ZNF43: variants seen among roughly 807,000 people sequenced by gnomAD.
ZNF43 encodes the protein zinc finger protein 43.
In ZNF43, 44 loss-of-function variants were observed where a neutral mutation model predicts 68.4. That is an observed-to-expected ratio of 0.64 (90% CI 0.51 to 0.83). The LOEUF (loss-of-function observed/expected upper bound fraction) is 0.83, where lower values mean the gene tolerates loss of function less well. Ranked by LOEUF, ZNF43 falls within the 40% of genes least tolerant of loss-of-function variation. The pLI is 0.00. For missense variants in ZNF43, 896 were observed against 933.2 expected, an observed-to-expected ratio of 0.96 and a Z score of 0.52; for synonymous variants, 308 against 307.8, an observed-to-expected ratio of 1.00 and a Z score of -0.01.
rs765891757 is a variant in ZNF43 at position 21,836,043 on chromosome 19, A to G, written c.-5T>C. ...TCGGACCGGCACTCTCACCATTTCT[A>G]GGCTTCCGGGGGGTCCTGGCGTCTT... On this transcript the variant is annotated 5_prime_UTR_variant, in exon 1 of 4. Coordinates refer to ENST00000354959, the MANE Select transcript of ZNF43 (RefSeq NM_003423.4). 1.1e-5 allele frequency: 17 copies of G among 1,613,804 alleles called. No individual in the cohort carries two copies. Among genetic ancestry groups the G allele is most frequent in the Admixed American group, 1.7e-5 (1 of 60,000 alleles).
chr19:21,833,653 A>C (rs909527047), intron 1 of ZNF43, among the ~76,000 whole-genome samples: 9 of 152,100 alleles, frequency 5.9e-5, no homozygotes, highest in African/African-American at 1.9e-4. Flanking sequence ...GAAAAAAAAA[A>C]CAAAAACAAC....
chr19:21,836,466 T>A (rs2038746528), upstream of ZNF43, among the ~76,000 whole-genome samples: 1 of 152,252 alleles, frequency 6.6e-6, no homozygotes, highest in Admixed American at 6.5e-5. Flanking sequence ...AGTAATATAC[T>A]ATATGGATAC....
Position 21,819,117 on chromosome 19 carries a change from G to T in ZNF43, c.108C>A (p.Asn36Lys). The change falls in exon 2 of 4, where the codon AAC becomes AAA. Residue 36 changes from asparagine to lysine, a missense_variant. By Grantham distance (94) the Asn-to-Lys change is moderately conservative (BLOSUM62 0). Transcript: ENST00000354959. The part of the protein sequence containing the change: ...QNLYRNVMLE[N>K]YRNLVFLGIA... The stretch of plus-strand genomic sequence containing the variant: ...CACCCAGGAAGACCAGGTTTCTGTA[G>T]TTCTCTAACATCACATTCCTATATA... 1 of 1,611,616 alleles carries T rather than the reference G, an allele frequency of 6.2e-7. No individual in the cohort carries two copies. Among genetic ancestry groups the T allele is most frequent in the Non-Finnish European group, 8.5e-7 (1 of 1,178,840 alleles).
In ZNF43 at chr19:21,836,130, G is replaced by A. The variant is rs1455933002; in HGVS notation, c.-92C>T. On this transcript the variant is annotated 5_prime_UTR_variant, in exon 1 of 4. Transcript: ENST00000354959. ...CACAGAGGCTGGACCTCTAGCAGCA[G>A]AGGACACAGAAGAACGAAGACGAGA... The A allele has an allele frequency of 6.2e-7, 1 of 1,600,868 alleles. No homozygotes were observed. The highest frequency in any genetic ancestry group is 1.1e-5 in the South Asian group (1 of 90,084).
chr19:21,812,277 C>T (rs1389080919), intron 3 of ZNF43, among the ~76,000 whole-genome samples: 1 of 152,152 alleles, frequency 6.6e-6, no homozygotes, highest in Non-Finnish European at 1.5e-5. Context: ...CAGGCGCGCA[C>T]CACCACGCCC....
intron 1 of ZNF43, among the ~76,000 whole-genome samples, chr19:21,848,526 A>G (rs1302138499): frequency 6.6e-6 from 1 of 152,212 alleles, no homozygotes; most frequent in African/African-American, 2.4e-5. Context: ...GTCACATAAC[A>G]TGGGTGCAGG....
At chr19:21,810,655 T>C (rs1206846848) in intron 3 of ZNF43, among the ~76,000 whole-genome samples, 2 of 152,212 alleles carry the variant, frequency 1.3e-5, no homozygotes, top group African/African-American at 4.8e-5. Context: ...TCTTATTAAA[T>C]TTAAGAATAC....
Position 21,808,288 on chromosome 19 carries a change from TG to T in ZNF43, c.1748del (p.Thr583AsnfsTer60). The part of the protein sequence containing the change: ...KAFTQSSNLT[T>X]HKKIHTGEKF... ...TCTCTCCAGTATGAATTTTCTTATGTGTAGTAAGGTTTGAGGATTGGGTAAA... is the reference window on the plus strand; with the variant it reads ...TCTCTCCAGTATGAATTTTCTTATGTTAGTAAGGTTTGAGGATTGGGTAAA... On this transcript the variant is annotated frameshift_variant, in exon 4 of 4. Transcript: ENST00000354959. LOFTEE classifies it high-confidence loss of function. 1 of 1,613,624 alleles carries T rather than the reference TG, an allele frequency of 6.2e-7. No individual in the cohort carries two copies. The highest frequency in any genetic ancestry group is 1.1e-5 in the South Asian group (1 of 91,062).
In ZNF43 at chr19:21,809,582, A is replaced by C; in HGVS notation, c.455T>G (p.Val152Gly). ...ATTTGAAAATTTATGAAAGGCTTTCACACATTTATCAAATAGAAATATTTT... is the reference window on the plus strand; with the variant it reads ...ATTTGAAAATTTATGAAAGGCTTTCCCACATTTATCAAATAGAAATATTTT... Reference protein sequence around the residue: ...QSKIFLFDKCVKAFHKFSNSN... With the variant: ...QSKIFLFDKCGKAFHKFSNSN... The change falls in exon 4 of 4, where the codon GTG (valine) becomes GGG (glycine). Residue 152 changes from valine (V) to glycine (G), a missense_variant. Physicochemically the swap from Val to Gly is moderately radical, Grantham distance 109. Transcript: ENST00000354959. 6.2e-7 allele frequency: 1 copy of C among 1,611,856 alleles called. No homozygotes were observed. The highest frequency in any genetic ancestry group is 8.5e-7 in the Non-Finnish European group (1 of 1,179,116).
Position 21,805,623 on chromosome 19 carries a change from A to C in ZNF43, c.*1984T>G, listed in dbSNP as rs2036904933. The C allele has an allele frequency of 2.0e-5, 3 of 152,118 alleles. No homozygotes were observed. The highest frequency in any genetic ancestry group is 2.0e-4 in the Admixed American group (3 of 15,278). The allele number at this position is 152,118 out of a possible 1,614,324, so 9.4% of individuals were successfully genotyped here. ...GAGAGCAAGACTCTGTCTCAAAAAA[A>C]AAAACCAAACAAACAAAAAAAATTA... is the stretch of plus-strand genomic sequence containing the variant. On this transcript the variant is annotated 3_prime_UTR_variant, in exon 4 of 4. Transcript: ENST00000354959.
chr19:21,839,618 C>T (rs1967374725), upstream of ZNF43: 1 of 152,196 alleles, frequency 6.6e-6, no homozygotes, highest in South Asian at 2.1e-4. Flanking sequence ...CAATAAGTCA[C>T]TCTCTTTTAT....
At chr19:21,824,606 A>G (rs560108555) in intron 1 of ZNF43, among the ~76,000 whole-genome samples, 1 of 152,130 alleles carries the variant, frequency 6.6e-6, no homozygotes, top group East Asian at 1.9e-4. Flanking sequence ...AGGCCAAACT[A>G]TATGTACAGA....
intron 1 of ZNF43, among the ~76,000 whole-genome samples, chr19:21,841,856 TC>T (rs1174699748): frequency 6.6e-6 from 1 of 152,194 alleles, no homozygotes; most frequent in Non-Finnish European, 1.5e-5. Context: ...GAGAGTCCCA[TC>T]ACCTAGGTGT....
At chr19:21,836,222 C>A, upstream of ZNF43, 1 of 1,445,858 alleles carries the variant, frequency 6.9e-7, no homozygotes, top group East Asian at 2.5e-5. Flanking sequence ...CTGTCCTCTC[C>A]TGCCCCGTGC....
At chr19:21,829,352 G>A (rs1343123680) in intron 1 of ZNF43, among the ~76,000 whole-genome samples, 1 of 152,074 alleles carries the variant, frequency 6.6e-6, no homozygotes, top group African/African-American at 2.4e-5. Flanking sequence ...AGATTACCTT[G>A]GATTATCAGT....
chr19:21,847,087 T>C (rs1968003431), intron 1 of ZNF43, among the ~76,000 whole-genome samples: 1 of 152,152 alleles, frequency 6.6e-6, no homozygotes, highest in Non-Finnish European at 1.5e-5. Flanking sequence ...GGCCCAGAGA[T>C]ATGTCAACCA....
upstream of ZNF43, among the ~76,000 whole-genome samples, chr19:21,837,135 A>T (rs1967161461): frequency 4.6e-5 from 7 of 152,194 alleles, no homozygotes; most frequent in Admixed American, 4.6e-4. Context: ...TCAAAACAAG[A>T]TAATTTCCAG....
intron 1 of ZNF43, chr19:21,826,500 G>C (rs1405440200): frequency 2.0e-5 from 3 of 152,162 alleles, no homozygotes; most frequent in Non-Finnish European, 4.4e-5. Flanking sequence ...AGCCTGAGCA[G>C]TGATTCAGGC....
Position 21,807,985 on chromosome 19 carries a change from G to A in ZNF43, c.2052C>T (p.Gly684=), listed in dbSNP as rs2037038850. 3 of 1,612,562 alleles carry A rather than the reference G, an allele frequency of 1.9e-6. No homozygotes were observed. Among genetic ancestry groups the A allele is most frequent in the East Asian group, 4.5e-5 (2 of 44,808 alleles). Residue 684 remains glycine (G), a synonymous_variant, in exon 4 of 4, where the codon GGC becomes GGT. Transcript: ENST00000354959. Reference sequence around the variant, plus strand: ...GGGTTGAGGACAGTTTAAAAGCTTTGCCACATTCTTCACATTTGTAGGGTT... The same window carrying A: ...GGGTTGAGGACAGTTTAAAAGCTTTACCACATTCTTCACATTTGTAGGGTT... The part of the protein sequence containing the change: ...GEKPYKCEEC[G]KAFKLSSTLS...
Sources: allele counts gnomAD v4.1 joint callset (sites outside exome capture counted in the v4.1 genomes callset), GRCh38; gene constraint gnomAD v4.1.1; transcripts MANE v1.5; gene names NCBI Gene and HGNC (gene_info 2026-07-23, HGNC 2026-07-21).